Variants in KCNQ2 observed in about 807,000 individuals in gnomAD.
KCNQ2 encodes the protein potassium voltage-gated channel subfamily KQT member 2.
KCNQ2 carries 14 observed loss-of-function variants against 84.8 expected under a neutral mutation model. The ratio of observed to expected loss-of-function variants is 0.17; its 90% CI spans 0.11 to 0.26. The LOEUF (loss-of-function observed/expected upper bound fraction) is 0.26, where lower values mean the gene tolerates loss of function less well. KCNQ2 is among the 10% of genes least tolerant of loss of function. The pLI is 1.00. For synonymous variants in KCNQ2, 599 were observed against 554.1 expected (o/e 1.08, Z -1.14); for missense variants, 788 against 1,254.0 (o/e 0.63, Z 5.61).
intron 12 of KCNQ2, among the ~76,000 whole-genome samples, chr20:63,416,620 C>T (rs979060243): frequency 6.6e-6 from 1 of 152,182 alleles, no homozygotes; most frequent in Admixed American, 6.5e-5. Context: ...CCCCGCAGAT[C>T]CCTGACACAC....
intron 1 of KCNQ2, chr20:63,459,491 G>A (rs956854698): frequency 5.3e-5 from 8 of 152,280 alleles, no homozygotes; most frequent in South Asian, 2.1e-4. Context: ...CAGCCTGGGC[G>A]AAAAGAGACC....
chr20:63,430,870 T>C (rs569044476), intron 9 of KCNQ2, among the ~76,000 whole-genome samples: 7 of 152,170 alleles, frequency 4.6e-5, no homozygotes, highest in Non-Finnish European at 8.8e-5. Flanking sequence ...GTGGCTGGTC[T>C]GGGGGTCCTG....
intron 11 of KCNQ2, 31 bp downstream of exon 11, chr20:63,424,146 A>G: frequency 6.4e-7 from 1 of 1,553,334 alleles, no homozygotes; most frequent in East Asian, 2.4e-5. Flanking sequence ...TGCACACGGC[A>G]GACACCAGGG....
At chr20:63,455,210 C>G (rs1027753374) in intron 1 of KCNQ2, among the ~76,000 whole-genome samples, 2 of 152,222 alleles carry the variant, frequency 1.3e-5, no homozygotes, top group African/African-American at 4.8e-5. Context: ...AATTACAACA[C>G]AAAGGGTTTC....
At chr20:63,456,462 C>T (rs1035656214) in intron 1 of KCNQ2, among the ~76,000 whole-genome samples, 1 of 152,102 alleles carries the variant, frequency 6.6e-6, no homozygotes, top group Non-Finnish European at 1.5e-5. Flanking sequence ...TCTCATCTTG[C>T]GTATTTAGTT....
intron 1 of KCNQ2, among the ~76,000 whole-genome samples, chr20:63,471,962 C>CCCGA (rs1274411704): frequency 1.3e-5 from 2 of 152,174 alleles, no homozygotes; most frequent in Non-Finnish European, 2.9e-5. Flanking sequence ...CCTGAGCGGC[C>CCCGA]CCGACCCCGG....
chr20:63,456,730 C>A, intron 1 of KCNQ2, among the ~76,000 whole-genome samples: 1 of 152,318 alleles, frequency 6.6e-6, no homozygotes, highest in Admixed American at 6.5e-5. Context: ...GGCCCACGTG[C>A]GGATTGGCCA....
rs150930894 is a variant in KCNQ2, at chr20:63,445,311, G to A, written c.441C>T (p.Ala147=). 100 of 1,613,834 alleles carry A rather than the reference G, an allele frequency of 6.2e-5. No individual in the cohort carries two copies. The South Asian group carries it at 9.9e-4, about 16-fold the overall frequency. The change falls in exon 3 of 17, where the codon GCC becomes GCT. Residue 147 remains alanine (A), a synonymous_variant. Coordinates refer to ENST00000359125, the MANE Select transcript of KCNQ2 (RefSeq NM_172107.4). ...FGVEYFVRIW[A]AGCCCRYRGW... ...CACGGTACCGGCAGCAGCAGCCTGC[G>A]GCCCAGATCCGCACGAAGTACTCCA...
chr20:63,420,980 C>A (rs1294428903), intron 11 of KCNQ2, among the ~76,000 whole-genome samples: 1 of 152,156 alleles, frequency 6.6e-6, no homozygotes, highest in Non-Finnish European at 1.5e-5. Context: ...GCTGTGACCA[C>A]CCCAGCTACG....
At chr20:63,436,737 C>T (rs1306114709) in intron 7 of KCNQ2, among the ~76,000 whole-genome samples, 2 of 151,142 alleles carry the variant, frequency 1.3e-5, no homozygotes, top group Non-Finnish European at 2.9e-5. Flanking sequence ...CATAATGCTA[C>T]TGCACACTTA....
At chr20:63,455,154 C>T (rs371523635) in intron 1 of KCNQ2, among the ~76,000 whole-genome samples, 6 of 152,240 alleles carry the variant, frequency 3.9e-5, no homozygotes, top group South Asian at 2.1e-4. Flanking sequence ...GGTGGGAGGA[C>T]GCTGGGAGGA....
In KCNQ2 at chr20:63,402,953, A is replaced by T. The variant is rs2079839892; in HGVS notation, c.*3691T>A. The T allele has an allele frequency of 6.6e-6, 1 of 152,264 alleles. No homozygotes were observed. Among genetic ancestry groups the T allele is most frequent in the African/African-American group, 2.4e-5 (1 of 41,440 alleles). The allele number at this position is 152,264 out of a possible 1,614,324, so 9.4% of individuals were successfully genotyped here. A position where few individuals can be genotyped will look rare whatever the true frequency, so the allele number is the denominator to read the frequency against. The stretch of plus-strand genomic sequence containing the variant: ...ACGGACTGTGATTTTATGCAGAGGG[A>T]GAAGGAGAAGCTGGGCCAGGAAACC... On this transcript the variant is annotated 3_prime_UTR_variant, in exon 17 of 17. Transcript: ENST00000359125.
intron 4 of KCNQ2, among the ~76,000 whole-genome samples, 190 bp from the exon 5 acceptor site, chr20:63,442,721 ACCATCATCACCACCT>A (rs2081217157): frequency 2.5e-4 from 21 of 83,182 alleles, no homozygotes; most frequent in South Asian, 9.4e-4. Context: ...CACCACCACC[ACCATCATCACCACCT>A]CCACCATCAC....
intron 1 of KCNQ2, among the ~76,000 whole-genome samples, chr20:63,469,005 G>A (rs772351455): frequency 2.6e-5 from 4 of 152,236 alleles, no homozygotes; most frequent in East Asian, 1.9e-4. Flanking sequence ...CGCACCCAGC[G>A]GGAACAGAGC....
chr20:63,439,700 C>T lies in KCNQ2; in HGVS notation c.825G>A (p.Leu275=), dbSNP rs2081103419. Residue 275 remains leucine (L), a synonymous_variant, in exon 6 of 17, where the codon CTG becomes CTA. Coordinates refer to ENST00000359125, the MANE Select transcript of KCNQ2 (RefSeq NM_172107.4). ...ACTTGTCCCCGTAGCCAATGGTGGT[C>T]AGCGTGATCTGTGGGACCGCAGGCT... ...ADALWWGLIT[L]TTIGYGDKYP... 1.2e-6 allele frequency: 2 copies of T among 1,612,976 alleles called. No homozygotes were observed. Among genetic ancestry groups the T allele is most frequent in the East Asian group, 2.2e-5 (1 of 44,882 alleles).
intron 11 of KCNQ2, chr20:63,422,128 G>T: frequency 6.5e-6 from 1 of 152,856 alleles, no homozygotes. Context: ...GGAGGCACAG[G>T]TCCCACCAGA....
chr20:63,433,675 A>C, intron 8 of KCNQ2, 134 bp downstream of exon 8: 3 of 1,538,100 alleles, frequency 2.0e-6, no homozygotes, highest in Non-Finnish European at 2.7e-6. Flanking sequence ...CCACACACAG[A>C]ACTCCTTTGT....
chr20:63,417,941 G>A (rs796695664), intron 12 of KCNQ2, among the ~76,000 whole-genome samples: 12 of 152,114 alleles, frequency 7.9e-5, no homozygotes, highest in South Asian at 2.1e-4. Flanking sequence ...TGGCCTCGGC[G>A]CGGCCCTGCT....
chr20:63,401,244 A>T lies in KCNQ2; in HGVS notation c.*5400T>A, dbSNP rs1285010429. The stretch of plus-strand genomic sequence containing the variant: ...GGTCCCCTCCCGTCTCTCCTCCTCC[A>T]CCGTTGCCCACAACCTCCCCCGGCG... On this transcript the variant is annotated 3_prime_UTR_variant, in exon 17 of 17. Transcript: ENST00000359125. The T allele has an allele frequency of 5.4e-6, 1 of 186,244 alleles. No homozygotes were observed. Among genetic ancestry groups the T allele is most frequent in the Non-Finnish European group, 1.1e-5 (1 of 91,320 alleles). The allele number at this position is 186,244 out of a possible 1,614,324, so 11.5% of individuals were successfully genotyped here. A position where few individuals can be genotyped will look rare whatever the true frequency, so the allele number is the denominator to read the frequency against.
Sources: allele counts gnomAD v4.1 joint callset (sites outside exome capture counted in the v4.1 genomes callset), GRCh38; gene constraint gnomAD v4.1.1; transcripts MANE v1.5; gene names NCBI Gene and HGNC (gene_info 2026-07-23, HGNC 2026-07-21).